DEAF1: variants seen among roughly 807,000 people sequenced by gnomAD.
The protein encoded by DEAF1 is deformed epidermal autoregulatory factor 1 homolog.
DEAF1 carries 53 observed loss-of-function variants against 58.9 expected under a neutral mutation model. The ratio of observed to expected loss-of-function variants is 0.90; its 90% confidence interval spans 0.72 to 1.13. The LOEUF (loss-of-function observed/expected upper bound fraction) is 1.13. DEAF1 is among the 50% of genes most tolerant of loss of function. The pLI, the probability that DEAF1 is intolerant of heterozygous loss-of-function variation, is 0.00. For missense variants in DEAF1, 685 were observed against 791.4 expected (o/e 0.87, Z 1.61); for synonymous variants, 385 against 340.4 (o/e 1.13, Z -1.44).
upstream of DEAF1, chr11:697,581 C>G (rs1016917612): frequency 4.6e-5 from 7 of 152,182 alleles, no homozygotes; most frequent in Non-Finnish European, 1.0e-4. Flanking sequence ...CAATCTATAA[C>G]AGTGAGCAAC....
At position 677,553 on chromosome 11, in the gene DEAF1, A is replaced by G. The variant is rs1284180658; in HGVS notation, c.1255+1141T>C. On this transcript the variant is annotated intron_variant, in intron 9 of 11. Transcript: ENST00000382409. Reference sequence around the variant, plus strand: ...AAAATGAAAAGGTAAGTTTTTCATGAACAAGTTTCTTGCGCTGTCTGTGAC... The same window carrying G: ...AAAATGAAAAGGTAAGTTTTTCATGGACAAGTTTCTTGCGCTGTCTGTGAC... Among the ~76,000 whole-genome samples the G allele has an allele frequency of 6.5e-5, 7 of 107,786 alleles. 2 individuals carry two copies. The highest frequency in any genetic ancestry group is 2.0e-4 in the African/African-American group (7 of 35,412). The allele number at this position is 107,786 out of a possible 152,430, so 70.7% of individuals were successfully genotyped here. A position where few individuals can be genotyped will look rare whatever the true frequency, so the allele number is the denominator to read the frequency against.
intron 1 of DEAF1, among the ~76,000 whole-genome samples, chr11:691,836 G>A (rs1162475281): frequency 2.6e-5 from 4 of 152,026 alleles, no homozygotes; most frequent in Admixed American, 6.5e-5. Context: ...AGCCTTTTAC[G>A]TGCAGTAAAA....
At chr11:663,251 A>T (rs1381886035) in intron 10 of DEAF1, among the ~76,000 whole-genome samples, 1 of 152,226 alleles carries the variant, frequency 6.6e-6, no homozygotes, top group Non-Finnish European at 1.5e-5. Flanking sequence ...GTTCAAAACC[A>T]GCCTGGCTAA....
intron 10 of DEAF1, among the ~76,000 whole-genome samples, chr11:669,107 A>G (rs146663535): frequency 0.05 from 7,249 of 145,972 alleles, 245 homozygotes; most frequent in East Asian, 0.065. Context: ...TTACAGGCGT[A>G]AGCCACTGCA....
chr11:685,403 G>A (rs776031988), intron 5 of DEAF1, among the ~76,000 whole-genome samples: 3 of 152,196 alleles, frequency 2.0e-5, no homozygotes, highest in East Asian at 1.9e-4. Flanking sequence ...TAAAAATTCT[G>A]CAAAATCAGG....
At chr11:701,599 T>A (rs142116202) in intron 1 of DEAF1, among the ~76,000 whole-genome samples, 1 of 151,658 alleles carries the variant, frequency 6.6e-6, no homozygotes, top group African/African-American at 2.4e-5. Flanking sequence ...TTAGTAGAGA[T>A]GGGGTTTCAC....
At chr11:678,263 G>C (rs1399595036) in intron 9 of DEAF1, 1 of 252,788 alleles carries the variant, frequency 4.0e-6, no homozygotes, top group African/African-American at 2.3e-5. Flanking sequence ...CATTTACAGT[G>C]TATCGTCATT....
At chr11:653,801 G>T in intron 11 of DEAF1, 161 bp downstream of exon 11, 1 of 697,096 alleles carries the variant, frequency 1.4e-6, no homozygotes, top group Non-Finnish European at 2.6e-6. Context: ...CCTTCTGCAG[G>T]GTCTTCACGG....
At chr11:660,503 C>T (rs1859273626) in intron 10 of DEAF1, among the ~76,000 whole-genome samples, 1 of 152,248 alleles carries the variant, frequency 6.6e-6, no homozygotes, top group South Asian at 2.1e-4. Flanking sequence ...CCCCTCCCAC[C>T]ACAACACCCC....
chr11:663,549 T>C (rs1212850598), intron 10 of DEAF1, among the ~76,000 whole-genome samples: 1 of 151,974 alleles, frequency 6.6e-6, no homozygotes, highest in Non-Finnish European at 1.5e-5. Context: ...CTTTTGGCCT[T>C]TCCTCCTCAA....
At position 679,762 on chromosome 11, in the gene DEAF1, C is replaced by G; in HGVS notation, c.1052G>C (p.Arg351Pro). The change falls in exon 8 of 12, where the codon CGA becomes CCA. Residue 351 changes from arginine (R) to proline (P), a missense_variant. Arg to Pro is a moderately radical substitution (Grantham distance 103). Coordinates refer to ENST00000382409, the MANE Select transcript of DEAF1 (RefSeq NM_021008.4). ...ITTSGALTFD[R>P]ASTVEATAVI... ...AGCAGTGGCCTCTACCGTGGACGCT[C>G]GGTCAAAGGTCAGTGCCCCCGAGGT... 1 of 1,613,894 alleles carries G rather than the reference C, an allele frequency of 6.2e-7. No homozygotes were observed. The highest frequency in any genetic ancestry group is 2.2e-5 in the East Asian group (1 of 44,890).
chr11:690,408 G>A (rs986324569), intron 2 of DEAF1, among the ~76,000 whole-genome samples: 3 of 148,334 alleles, frequency 2.0e-5, no homozygotes, highest in African/African-American at 7.5e-5. Context: ...TGTTTTTACT[G>A]AAGTCCTTCA....
Position 675,764 on chromosome 11 carries a change from G to A in DEAF1, c.1256-981C>T, listed in dbSNP as rs191802256. 6.7e-3 allele frequency among the ~76,000 whole-genome samples: 1,024 copies of A among 152,258 alleles called. 9 individuals are homozygous for A. The highest frequency in any genetic ancestry group is 0.024 in the Middle Eastern group (7 of 294). ...GAACCTGGGAGGCAGAAGTTGTGGT[G>A]AGCCGAGATGGTGCCAGTGGACTCA... is the stretch of plus-strand genomic sequence containing the variant. On this transcript the variant is annotated intron_variant, in intron 9 of 11. Transcript: ENST00000382409.
rs1860338458 is a variant in DEAF1 at position 681,013 on chromosome 11, T to C, written c.947A>G (p.Lys316Arg). ...ENELPTTPVK[K>R]DSPKNITLLP... The stretch of plus-strand genomic sequence containing the variant: ...CAATGTGATGTTCTTGGGGGAGTCC[T>C]TCTTCACGGGAGTTGTGGGCAGTTC... The change falls in exon 7 of 12, where the codon AAG becomes AGG. Residue 316 changes from lysine (K) to arginine (R), a missense_variant. By Grantham distance (26) the Lys-to-Arg change is conservative. Transcript: ENST00000382409. The C allele has an allele frequency of 1.2e-6, 2 of 1,614,056 alleles. No homozygotes were observed. Among genetic ancestry groups the C allele is most frequent in the Non-Finnish European group, 8.5e-7 (1 of 1,180,034 alleles).
intron 10 of DEAF1, among the ~76,000 whole-genome samples, chr11:667,883 G>T (rs1859627701): frequency 6.6e-6 from 1 of 151,998 alleles, no homozygotes; most frequent in African/African-American, 2.4e-5. Context: ...AGGCCCAGGC[G>T]GGTGGATCAC....
intron 10 of DEAF1, among the ~76,000 whole-genome samples, chr11:656,344 CG>C (rs1859054985): frequency 6.6e-6 from 1 of 151,730 alleles, no homozygotes; most frequent in Non-Finnish European, 1.5e-5. Context: ...TTAGTAGAGA[CG>C]GGGTTTTGCC....
chr11:648,417 G>T (rs367827377), intron 11 of DEAF1, among the ~76,000 whole-genome samples: 1 of 151,984 alleles, frequency 6.6e-6, no homozygotes, highest in Admixed American at 6.6e-5. Flanking sequence ...GGATGGTCTC[G>T]ATCTCCTGAC....
upstream of DEAF1, chr11:698,841 C>A (rs117144320): frequency 1.5e-3 from 2,456 of 1,614,058 alleles, 24 homozygotes; most frequent in African/African-American, 0.021. Flanking sequence ...GGCTGTCAGG[C>A]CTTGCTCACG....
At chr11:648,234 T>G (rs566789782) in intron 11 of DEAF1, among the ~76,000 whole-genome samples, 24 of 150,140 alleles carry the variant, frequency 1.6e-4, no homozygotes, top group East Asian at 3.9e-4. Flanking sequence ...TCCCTTTGTC[T>G]CCCAGGCTGG....
Sources: gnomAD v4.1 joint callset for allele counts (sites outside exome capture counted in the v4.1 genomes callset) on GRCh38, gnomAD v4.1.1 for gene constraint, MANE v1.5 for transcripts, NCBI Gene and HGNC (gene_info 2026-07-23, HGNC 2026-07-21) for gene names.